The following PHOX2B variants were observed in gnomAD, a reference collection of about 807,000 sequenced individuals.
PHOX2B encodes the protein paired mesoderm homeobox protein 2B.
PHOX2B carries 1 observed loss-of-function variant against 15.5 expected under a neutral mutation model. That is an observed-to-expected ratio of 0.06 (90% CI 0.02 to 0.31). The LOEUF is 0.31. Among genes scored for constraint, PHOX2B ranks in the 10% least tolerant of loss-of-function variants. The pLI is 1.00. For missense variants in PHOX2B, 314 were observed against 436.4 expected (o/e 0.72, Z 2.50); for synonymous variants, 206 against 190.5 (o/e 1.08, Z -0.67).
Position 41,748,466 on chromosome 4 carries a change from T to C in PHOX2B, c.145A>G (p.Thr49Ala), listed in dbSNP as rs2153113059. ...CAGCCGGACGTGGCCCCAAAAGTGGTCCTTATCGGGTTATACTGGAAGCCA... is the reference window on the plus strand; with the variant it reads ...CAGCCGGACGTGGCCCCAAAAGTGGCCCTTATCGGGTTATACTGGAAGCCA... Reference protein sequence around the residue: ...ASGFQYNPIRTTFGATSGCPS... With the variant: ...ASGFQYNPIRATFGATSGCPS... Residue 49 changes from threonine to alanine, a missense_variant, in exon 1 of 3, where the codon ACC becomes GCC. Transcript: ENST00000226382. 1 of 1,614,052 alleles carries C rather than the reference T, an allele frequency of 6.2e-7. No homozygotes were observed. Among genetic ancestry groups the C allele is most frequent in the Non-Finnish European group, 8.5e-7 (1 of 1,179,998 alleles).
chr4:41,745,987 C>A lies in PHOX2B; in HGVS notation c.765G>T (p.Ala255=). The A allele has an allele frequency of 8.1e-7, 1 of 1,240,676 alleles. No individual in the cohort carries two copies. The allele number at this position is 1,240,676 out of a possible 1,614,324, so 76.9% of individuals were successfully genotyped here. ...AAAAAAAAAA[A]AAAAAGGLAA... ...CCAGGCCTCCAGCTGCCGCCGCTGCCGCTGCCGCCGCCGCCGCTGCCGCGG... is the reference window on the plus strand; with the variant it reads ...CCAGGCCTCCAGCTGCCGCCGCTGCAGCTGCCGCCGCCGCCGCTGCCGCGG... The change falls in exon 3 of 3, where the codon GCG becomes GCT. Residue 255 remains alanine, a synonymous_variant. Transcript: ENST00000226382. This position sits in a 1 kb window ranked among gnomAD's most constrained non-coding sequence, Gnocchi z 4.0.
In PHOX2B at chr4:41,746,335, G is replaced by C. The variant is rs756712862; in HGVS notation, c.430-13C>G. ...TCTGGAACCACACCTGGCCCAAGAC[G>C]GAAGGAGAGACGGTGAAGCAGGGGG... On this transcript the variant is annotated splice_polypyrimidine_tract_variant and intron_variant, in intron 2 of 2. Coordinates refer to ENST00000226382, the MANE Select transcript of PHOX2B (RefSeq NM_003924.4). 1.2e-6 allele frequency: 2 copies of C among 1,613,314 alleles called. No homozygotes were observed. The highest frequency in any genetic ancestry group is 2.2e-5 in the South Asian group (2 of 91,054).
In PHOX2B at chr4:41,745,835, G is replaced by T. The variant is rs1352110516; in HGVS notation, c.917C>A (p.Ala306Asp). ...SSLQRPNGAK[A>D]ALVKSSMF ...GAACATACTGCTCTTCACTAAGGCG[G>T]CTTTGGCACCGTTGGGTCTTTGGAG... Residue 306 changes from alanine to aspartate, a missense_variant, in exon 3 of 3, where the codon GCC becomes GAC. Ala to Asp is a moderately radical substitution (Grantham distance 126). This residue lies in a region of PHOX2B where 157 missense variants were observed against 169.0 expected (regional missense o/e 0.93). Transcript: ENST00000226382. The surrounding 1 kb of genome is among the most constrained non-coding windows in gnomAD (Gnocchi z 4.0). 7 of 1,609,892 alleles carry T rather than the reference G, an allele frequency of 4.3e-6. No individual in the cohort carries two copies. Among genetic ancestry groups the T allele is most frequent in the Admixed American group, 1.7e-5 (1 of 59,810 alleles).
At position 41,745,699 on chromosome 4, in the gene PHOX2B, T is replaced by G; in HGVS notation, c.*108A>C. 2 of 1,395,270 alleles carry G rather than the reference T, an allele frequency of 1.4e-6. No homozygotes were observed. The highest frequency in any genetic ancestry group is 1.9e-6 in the Non-Finnish European group (2 of 1,039,626). The allele number at this position is 1,395,270 out of a possible 1,614,324, so 86.4% of individuals were successfully genotyped here. Reference sequence around the variant, plus strand: ...CTTTAGGCCCTCAATGAAAAAGCCATGGCAGCAGCGACGACAATAGCCTTG... The same window carrying G: ...CTTTAGGCCCTCAATGAAAAAGCCAGGGCAGCAGCGACGACAATAGCCTTG... On this transcript the variant is annotated 3_prime_UTR_variant, in exon 3 of 3. Transcript: ENST00000226382. This position sits in a 1 kb window ranked among gnomAD's most constrained non-coding sequence, Gnocchi z 4.0.
Position 41,744,393 on chromosome 4 carries a change from G to A in PHOX2B, c.*1414C>T. On this transcript the variant is annotated 3_prime_UTR_variant, in exon 3 of 3. Transcript: ENST00000226382. ...TTACACCATAAAGACACGCCATAGAGACTACAAGAAGAGAAAAACATTATA... is the reference window on the plus strand; with the variant it reads ...TTACACCATAAAGACACGCCATAGAAACTACAAGAAGAGAAAAACATTATA... 1 of 230,812 alleles carries A rather than the reference G, an allele frequency of 4.3e-6. No homozygotes were observed. The highest frequency in any genetic ancestry group is 6.2e-5 in the East Asian group (1 of 16,224). 14.3% of individuals were successfully genotyped at this position (230,812 alleles called of 1,614,324 possible). A position where few individuals can be genotyped will look rare whatever the true frequency, so the allele number is the denominator to read the frequency against.
rs1363408245 is a variant in PHOX2B at position 41,747,819 on chromosome 4, G to GA, written c.242-284dup. ...GGACTTGAGATAGTGCTTTCAGCAG[G>GA]AAAAAACCAGAGAGGAAAAAAATCC... On this transcript the variant is annotated intron_variant, in intron 1 of 2. Transcript: ENST00000226382. 1.2e-4 allele frequency: 72 copies of GA among 615,980 alleles called. No homozygotes were observed. The East Asian group carries it at 2.1e-3, about 18-fold the overall frequency. The allele number at this position is 615,980 out of a possible 1,614,324, so 38.2% of individuals were successfully genotyped here. A position where few individuals can be genotyped will look rare whatever the true frequency, so the allele number is the denominator to read the frequency against.
chr4:41,747,630 A>G (rs759139880), intron 1 of PHOX2B, 94 bp from the exon 2 acceptor site: 1 of 1,032,470 alleles, frequency 9.7e-7, no homozygotes, highest in Non-Finnish European at 1.5e-6. Flanking sequence ...GTCAGGTCAT[A>G]CGGCAGCCGC....
intron 1 of PHOX2B, among the ~76,000 whole-genome samples, chr4:41,748,132 A>G (rs1453631667): frequency 6.6e-6 from 1 of 152,196 alleles, no homozygotes; most frequent in Non-Finnish European, 1.5e-5. Context: ...AATTATGCCT[A>G]TCATTTTGGC....
At position 41,745,772 on chromosome 4, in the gene PHOX2B, TGTC is replaced by T; in HGVS notation, c.*32_*34del. On this transcript the variant is annotated 3_prime_UTR_variant, in exon 3 of 3. Transcript: ENST00000226382. The surrounding 1 kb of genome is among the most constrained non-coding windows in gnomAD (Gnocchi z 4.0). ...CCCGCCCGGGCCCTGGCTCGCCCGC[TGTC>T]GCCGCCGCCGCCGCCGCCGCAGGAT... The T allele has an allele frequency of 2.5e-6, 4 of 1,586,204 alleles. No individual in the cohort carries two copies. The highest frequency in any genetic ancestry group is 3.4e-6 in the Non-Finnish European group (4 of 1,168,354).
chr4:41,744,847 A>G lies in PHOX2B; in HGVS notation c.*960T>C, dbSNP rs1733832015. 4.3e-6 allele frequency: 1 copy of G among 233,622 alleles called. No individual in the cohort carries two copies. The highest frequency in any genetic ancestry group is 2.2e-5 in the African/African-American group (1 of 45,356). 14.5% of individuals were successfully genotyped at this position (233,622 alleles called of 1,614,324 possible). ...ACGGGGTAGGCGGGAGCGAGGGGGA[A>G]AAAAAGAGTTGCGAAACATGAGACA... is the stretch of plus-strand genomic sequence containing the variant. On this transcript the variant is annotated 3_prime_UTR_variant, in exon 3 of 3. Transcript: ENST00000226382.
chr4:41,748,242 C>A lies in PHOX2B; in HGVS notation c.241+128G>T, dbSNP rs567155526. ...GCAATCGCTTCTAACGTGATAAATT[C>A]TTTCATTTGTGTAAGCAAATTTCGT... On this transcript the variant is annotated intron_variant, in intron 1 of 2. Coordinates refer to ENST00000226382, the MANE Select transcript of PHOX2B (RefSeq NM_003924.4). 8.2e-4 allele frequency: 849 copies of A among 1,040,764 alleles called. 1 individual carries two copies. Among genetic ancestry groups the A allele is most frequent in the Non-Finnish European group, 1.0e-3 (722 of 696,004 alleles). The allele number at this position is 1,040,764 out of a possible 1,614,324, so 64.5% of individuals were successfully genotyped here. A position where few individuals can be genotyped will look rare whatever the true frequency, so the allele number is the denominator to read the frequency against.
chr4:41,745,582 G>C lies in PHOX2B; in HGVS notation c.*225C>G. The C allele has an allele frequency of 1.9e-6, 1 of 533,544 alleles. No homozygotes were observed. Among genetic ancestry groups the C allele is most frequent in the Non-Finnish European group, 3.2e-6 (1 of 314,842 alleles). The allele number at this position is 533,544 out of a possible 1,614,324, so 33.1% of individuals were successfully genotyped here. ...CCCAGGCAGGTGCGAAGCCAGGGAA[G>C]TTTGTTTGTTTTGTTTGGGGGTTGA... On this transcript the variant is annotated 3_prime_UTR_variant, in exon 3 of 3. Coordinates refer to ENST00000226382, the MANE Select transcript of PHOX2B (RefSeq NM_003924.4). The surrounding 1 kb of genome is among the most constrained non-coding windows in gnomAD (Gnocchi z 4.0).
chr4:41,744,565 C>G lies in PHOX2B; in HGVS notation c.*1242G>C. ...GTGCCTTTTAAAATAAAAACAACAA[C>G]AAAGAATCAAAACAGAGATGTCTAA... On this transcript the variant is annotated 3_prime_UTR_variant, in exon 3 of 3. Transcript: ENST00000226382. 1 of 233,384 alleles carries G rather than the reference C, an allele frequency of 4.3e-6. No individual in the cohort carries two copies. The highest frequency in any genetic ancestry group is 6.0e-5 in the East Asian group (1 of 16,560). The allele number at this position is 233,384 out of a possible 1,614,324, so 14.5% of individuals were successfully genotyped here.
rs1341392915 is a variant in PHOX2B at position 41,745,743 on chromosome 4, C to T, written c.*64G>A. 1.9e-6 allele frequency: 3 copies of T among 1,554,416 alleles called. No individual in the cohort carries two copies. The highest frequency in any genetic ancestry group is 2.6e-6 in the Non-Finnish European group (3 of 1,151,632). On this transcript the variant is annotated 3_prime_UTR_variant, in exon 3 of 3. Transcript: ENST00000226382. The surrounding 1 kb of genome is among the most constrained non-coding windows in gnomAD (Gnocchi z 4.0). ...AGCCTTGGGCCTACCCGCTCGCCCA[C>T]TCGCCCGCCCGGGCCCTGGCTCGCC... is the stretch of plus-strand genomic sequence containing the variant.
Position 41,748,551 on chromosome 4 carries a change from C to G in PHOX2B, c.60G>C (p.Gly20=). 6.2e-7 allele frequency: 1 copy of G among 1,613,766 alleles called. No homozygotes were observed. The highest frequency in any genetic ancestry group is 8.5e-7 in the Non-Finnish European group (1 of 1,179,652). ...NSSAYESCMA[G]MDTSSLASAY... is the part of the protein sequence containing the mutation. Reference sequence around the variant, plus strand: ...CTGAAGCCAGGCTCGAGGTGTCCATCCCAGCCATACAGGACTCGTAGGCAG... The same window carrying G: ...CTGAAGCCAGGCTCGAGGTGTCCATGCCAGCCATACAGGACTCGTAGGCAG... The change falls in exon 1 of 3, where the codon GGG becomes GGC. Residue 20 remains glycine, a synonymous_variant. Coordinates refer to ENST00000226382, the MANE Select transcript of PHOX2B (RefSeq NM_003924.4).
In PHOX2B at chr4:41,745,772, T is replaced by A. The variant is rs911357344; in HGVS notation, c.*35A>T. On this transcript the variant is annotated 3_prime_UTR_variant, in exon 3 of 3. Coordinates refer to ENST00000226382, the MANE Select transcript of PHOX2B (RefSeq NM_003924.4). This position sits in a 1 kb window ranked among gnomAD's most constrained non-coding sequence, Gnocchi z 4.0. ...CCCGCCCGGGCCCTGGCTCGCCCGC[T>A]GTCGCCGCCGCCGCCGCCGCCGCAG... The A allele has an allele frequency of 6.3e-7, 1 of 1,586,204 alleles. No individual in the cohort carries two copies. Among genetic ancestry groups the A allele is most frequent in the Non-Finnish European group, 8.6e-7 (1 of 1,168,354 alleles).
Position 41,746,020 on chromosome 4 carries a change from C to T in PHOX2B, c.732G>A (p.Ala244=), listed in dbSNP as rs1185437293. 8.6e-7 allele frequency: 1 copy of T among 1,160,966 alleles called. No individual in the cohort carries two copies. Among genetic ancestry groups the T allele is most frequent in the Non-Finnish European group, 1.1e-6 (1 of 945,826 alleles). 71.9% of individuals were successfully genotyped at this position (1,160,966 alleles called of 1,614,324 possible). The change falls in exon 3 of 3, where the codon GCG becomes GCA. Residue 244 remains alanine (A), a synonymous_variant. Transcript: ENST00000226382. ...CCGCCGCCGCTGCCGCGGCCGCCGC[C>T]GCTGCTGCTGCGCCGCCCTTGCCGG... ...GEPGKGGAAA[A]AAAAAAAAAA...
At chr4:41,747,251 C>G in intron 2 of PHOX2B, 98 bp downstream of exon 2, 1 of 1,007,222 alleles carries the variant, frequency 9.9e-7, no homozygotes, top group Non-Finnish European at 1.5e-6. Context: ...GTCCTTCTCA[C>G]TCGAGGCTCC....
Position 41,745,708 on chromosome 4 carries a change from C to A in PHOX2B, c.*99G>T. The A allele has an allele frequency of 2.8e-6, 4 of 1,438,346 alleles. No individual in the cohort carries two copies. The highest frequency in any genetic ancestry group is 3.7e-6 in the Non-Finnish European group (4 of 1,073,512). The allele number at this position is 1,438,346 out of a possible 1,614,324, so 89.1% of individuals were successfully genotyped here. On this transcript the variant is annotated 3_prime_UTR_variant, in exon 3 of 3. Transcript: ENST00000226382. The surrounding 1 kb of genome is among the most constrained non-coding windows in gnomAD (Gnocchi z 4.0). The stretch of plus-strand genomic sequence containing the variant: ...CTCAATGAAAAAGCCATGGCAGCAG[C>A]GACGACAATAGCCTTGGGCCTACCC...
Sources: gnomAD v4.1 joint callset for allele counts (sites outside exome capture counted in the v4.1 genomes callset) on GRCh38, gnomAD v4.1.1 for gene constraint, gnomAD v4.1.1 regional missense constraint, Gnocchi (gnomAD v3.1) non-coding constraint, MANE v1.5 for transcripts, NCBI Gene and HGNC (gene_info 2026-07-23, HGNC 2026-07-21) for gene names.